Variants in ACTN1 observed in about 807,000 individuals in gnomAD.
ACTN1 encodes actinin alpha 1, also known as alpha-actinin-1.
ACTN1 carries 30 observed loss-of-function variants against 119.6 expected under a neutral mutation model. The ratio of observed to expected loss-of-function variants is 0.25; its 90% CI spans 0.19 to 0.34. The LOEUF is 0.34. ACTN1 is among the 10% of genes least tolerant of loss of function. The probability of loss-of-function intolerance (pLI) is 1.00; values close to 1 mark genes in which losing one functional copy is unlikely to be tolerated. For missense variants in ACTN1, 764 were observed against 1,223.4 expected (o/e 0.62, Z 5.60); for synonymous variants, 429 against 472.6 (o/e 0.91, Z 1.20).
intron 1 of ACTN1, among the ~76,000 whole-genome samples, chr14:68,931,253 A>C (rs1026957812): frequency 6.6e-6 from 1 of 152,256 alleles, no homozygotes; most frequent in Non-Finnish European, 1.5e-5. Context: ...CAGCATTGGC[A>C]CAGAGAGTCT....
Position 68,961,901 on chromosome 14 carries a change from C to T in ACTN1, c.105+17051G>A, listed in dbSNP as rs541390671. 5.3e-5 allele frequency among the ~76,000 whole-genome samples: 8 copies of T among 152,292 alleles called. No individual in the cohort carries two copies. In the South Asian group the frequency reaches 1.0e-3, roughly 20 times the overall value. ...CATCCACCTCCAGAAACTACCCCCA[C>T]GCCCGACCGACAGGCATTCACACCC... On this transcript the variant is annotated intron_variant, in intron 1 of 21. Transcript: ENST00000394419.
intron 1 of ACTN1, among the ~76,000 whole-genome samples, chr14:68,926,764 T>C (rs114966300): frequency 0.032 from 4,873 of 152,074 alleles, 263 homozygotes; most frequent in African/African-American, 0.11. Flanking sequence ...TGCTCCCCAA[T>C]CCCTTCCTCC....
intron 8 of ACTN1, among the ~76,000 whole-genome samples, chr14:68,898,978 GCCACACCTCACA>G (rs753814554): frequency 1.3e-4 from 15 of 114,474 alleles, no homozygotes; most frequent in Non-Finnish European, 2.6e-4. Context: ...CACCACACAC[GCCACACCTCACA>G]CCACACACAC....
At position 68,909,334 on chromosome 14, in the gene ACTN1, T is replaced by C. The variant is rs775443046; in HGVS notation, c.578A>G (p.Tyr193Cys). 1.2e-6 allele frequency: 2 copies of C among 1,613,856 alleles called. No individual in the cohort carries two copies. The highest frequency in any genetic ancestry group is 1.7e-6 in the Non-Finnish European group (2 of 1,179,952). ...IHRHRPELID[Y>C]GKLRKDDPLT... ...CACACATACCTTCCGCAGCTTCCCG[T>C]AGTCAATCAGCTCGGGCCGGTGTCG... Residue 193 changes from tyrosine (Y) to cysteine (C), a missense_variant, in exon 6 of 22, where the codon TAC becomes TGC. Tyr to Cys is a radical substitution (Grantham distance 194, BLOSUM62 -2). Coordinates refer to ENST00000394419, the MANE Select transcript of ACTN1 (RefSeq NM_001130004.2). The surrounding 1 kb of genome is among the most constrained non-coding windows in gnomAD (Gnocchi z 4.1).
chr14:68,950,551 AC>A (rs1226882881), intron 1 of ACTN1, among the ~76,000 whole-genome samples: 2 of 151,006 alleles, frequency 1.3e-5, no homozygotes, highest in African/African-American at 4.9e-5. Flanking sequence ...TTATTTTACC[AC>A]AAGCATGTCA....
chr14:68,914,235 C>T (rs2034166048), intron 3 of ACTN1, among the ~76,000 whole-genome samples: 2 of 151,868 alleles, frequency 1.3e-5, no homozygotes, highest in African/African-American at 4.8e-5. Flanking sequence ...GTAAAGGAAT[C>T]GGCTCATAAA....
intron 3 of ACTN1, among the ~76,000 whole-genome samples, chr14:68,919,104 G>A (rs1247297311): frequency 6.6e-6 from 1 of 152,138 alleles, no homozygotes; most frequent in Non-Finnish European, 1.5e-5. Flanking sequence ...TTTGGTAGAG[G>A]CTTTAAAGAG....
intron 1 of ACTN1, among the ~76,000 whole-genome samples, chr14:68,957,926 C>A (rs944597869): frequency 6.6e-6 from 1 of 152,120 alleles, no homozygotes; most frequent in Non-Finnish European, 1.5e-5. Flanking sequence ...TTCCATTTTA[C>A]CAAACACCCT....
At chr14:68,928,628 C>T (rs189058807) in intron 1 of ACTN1, among the ~76,000 whole-genome samples, 3 of 152,260 alleles carry the variant, frequency 2.0e-5, no homozygotes, top group East Asian at 1.9e-4. Flanking sequence ...ATAGTAACAG[C>T]GCTCCATAAA....
At chr14:68,942,214 C>T (rs1043549090) in intron 1 of ACTN1, among the ~76,000 whole-genome samples, 2 of 151,990 alleles carry the variant, frequency 1.3e-5, no homozygotes, top group African/African-American at 4.8e-5. Flanking sequence ...TCTGTCTCTA[C>T]AAAAAATTTA....
intron 1 of ACTN1, among the ~76,000 whole-genome samples, chr14:68,938,326 G>A (rs1168706077): frequency 6.6e-6 from 1 of 152,144 alleles, no homozygotes. Context: ...GAGTGCTGGG[G>A]TCCTGGAGAT....
chr14:68,951,913 C>T (rs1458705692), intron 1 of ACTN1, among the ~76,000 whole-genome samples: 1 of 152,242 alleles, frequency 6.6e-6, no homozygotes, highest in Non-Finnish European at 1.5e-5. Flanking sequence ...TGCTGGCAAA[C>T]AGCAGTGAAC....
At chr14:68,889,533 G>A (rs984371850) in intron 11 of ACTN1, among the ~76,000 whole-genome samples, 2 of 151,940 alleles carry the variant, frequency 1.3e-5, no homozygotes, top group Non-Finnish European at 2.9e-5. Flanking sequence ...AGTGGCTCAC[G>A]CCTGTAATCC....
At chr14:68,958,451 T>C (rs2036424279) in intron 1 of ACTN1, among the ~76,000 whole-genome samples, 1 of 152,182 alleles carries the variant, frequency 6.6e-6, no homozygotes, top group African/African-American at 2.4e-5. Context: ...CTGCTAATTC[T>C]TATTTTCTTC....
chr14:68,892,268 G>C lies in ACTN1; in HGVS notation c.871C>G (p.Arg291Gly), dbSNP rs145424582. 6.2e-7 allele frequency: 1 copy of C among 1,612,834 alleles called. No homozygotes were observed. The highest frequency in any genetic ancestry group is 1.3e-5 in the African/African-American group (1 of 74,908). The change falls in exon 10 of 22, where the codon CGC becomes GGC. Residue 291 changes from arginine (R) to glycine (G), a missense_variant. Arg to Gly is a moderately radical substitution (Grantham distance 125). This residue lies in a region of ACTN1 where 544 missense variants were observed against 912.0 expected (regional missense o/e 0.60). Coordinates refer to ENST00000394419, the MANE Select transcript of ACTN1 (RefSeq NM_001130004.2). ...KLASDLLEWI[R>G]RTIPWLENRV... Reference sequence around the variant, plus strand: ...TTCTCCAGCCACGGGATTGTGCGGCGGATCCACTCCAACAGCTAGGGTGGG... The same window carrying C: ...TTCTCCAGCCACGGGATTGTGCGGCCGATCCACTCCAACAGCTAGGGTGGG...
intron 1 of ACTN1, among the ~76,000 whole-genome samples, chr14:68,933,699 A>G (rs2035343437): frequency 6.6e-6 from 1 of 151,142 alleles, no homozygotes. Context: ...ATCTGAACTT[A>G]TGCTGGGTGT....
rs535304890 is a variant in ACTN1, at chr14:68,948,908, CA to C, written c.106-23237del. Among the ~76,000 whole-genome samples the C allele has an allele frequency of 3.5e-4, 53 of 152,176 alleles. No homozygotes were observed. In the East Asian group the frequency reaches 8.3e-3, roughly 24 times the overall value. On this transcript the variant is annotated intron_variant, in intron 1 of 21. Coordinates refer to ENST00000394419, the MANE Select transcript of ACTN1 (RefSeq NM_001130004.2). ...AAGACAGCCACGTGCAGATCTCTGC[CA>C]GGGGGTCAAAGCAGCTCATAATGAA... is the stretch of plus-strand genomic sequence containing the variant.
Position 68,925,460 on chromosome 14 carries a change from A to C in ACTN1, c.220+98T>G. 1 of 926,538 alleles carries C rather than the reference A, an allele frequency of 1.1e-6. No individual in the cohort carries two copies. The highest frequency in any genetic ancestry group is 1.6e-6 in the Non-Finnish European group (1 of 637,796). The allele number at this position is 926,538 out of a possible 1,614,324, so 57.4% of individuals were successfully genotyped here. On this transcript the variant is annotated intron_variant, in intron 2 of 21. Coordinates refer to ENST00000394419, the MANE Select transcript of ACTN1 (RefSeq NM_001130004.2). The surrounding 1 kb of genome is among the most constrained non-coding windows in gnomAD (Gnocchi z 4.3). ...TACATGTCATCCCCAACTTGTTTCA[A>C]GAGACCAAAACCAGCTGCGCTCATA...
chr14:68,898,592 C>T (rs2033044838), intron 8 of ACTN1, among the ~76,000 whole-genome samples: 1 of 152,042 alleles, frequency 6.6e-6, no homozygotes, highest in African/African-American at 2.4e-5. Flanking sequence ...TGTGAGTCAG[C>T]AAGAGTCCTT....
Sources: gnomAD v4.1 joint callset for allele counts (sites outside exome capture counted in the v4.1 genomes callset) on GRCh38, gnomAD v4.1.1 for gene constraint, gnomAD v4.1.1 regional missense constraint, Gnocchi (gnomAD v3.1) non-coding constraint, MANE v1.5 for transcripts, NCBI Gene and HGNC (gene_info 2026-07-23, HGNC 2026-07-21) for gene names.